The following ZNG1F variants were observed in gnomAD, a reference collection of about 807,000 sequenced individuals.
ZNG1F encodes zinc-regulated GTPase metalloprotein activator 1F.
the ZNG1F span, among the ~76,000 whole-genome samples, chr9:41,150,405 C>T: frequency 7.0e-6 from 1 of 143,364 alleles, no homozygotes; most frequent in Non-Finnish European, 1.5e-5. Flanking sequence ...GAGGGGCGCC[C>T]GCCATTGCCC....
the ZNG1F span, among the ~76,000 whole-genome samples, chr9:41,138,865 C>T: frequency 7.4e-6 from 1 of 134,294 alleles, no homozygotes; most frequent in Non-Finnish European, 1.6e-5. Context: ...TTGAATATTT[C>T]TCCCTTTACT....
the ZNG1F span, among the ~76,000 whole-genome samples, chr9:41,187,177 ATACGT>A: frequency 6.9e-6 from 1 of 145,318 alleles, no homozygotes; most frequent in South Asian, 2.2e-4. Flanking sequence ...AAGGTTTCTA[ATACGT>A]TACAGATTTA....
the ZNG1F span, among the ~76,000 whole-genome samples, chr9:41,146,293 G>C: frequency 1.1e-5 from 1 of 93,740 alleles, no homozygotes; most frequent in South Asian, 4.5e-4. Context: ...GCTCTTAAGT[G>C]TATGTAGAAT....
chr9:41,141,874 G>T, the ZNG1F span, among the ~76,000 whole-genome samples: 1 of 127,652 alleles, frequency 7.8e-6, no homozygotes, highest in Admixed American at 8.7e-5. Context: ...AAATCACTTT[G>T]CCGTCCCGAT....
At chr9:41,185,670 T>A in the ZNG1F span, among the ~76,000 whole-genome samples, 1 of 151,764 alleles carries the variant, frequency 6.6e-6, no homozygotes, top group African/African-American at 2.4e-5. Context: ...AGACTCCATC[T>A]CAAAAAAAAT....
chr9:41,203,208 G>A, the ZNG1F span, among the ~76,000 whole-genome samples: 1 of 152,292 alleles, frequency 6.6e-6, no homozygotes, highest in Non-Finnish European at 1.5e-5. Flanking sequence ...TAAAATTACT[G>A]TTTCCCTGAT....
the ZNG1F span, among the ~76,000 whole-genome samples, chr9:41,185,570 G>A: frequency 6.6e-6 from 1 of 150,478 alleles, no homozygotes. Context: ...CTACTCGGGA[G>A]GCTGAGGCAG....
the ZNG1F span, among the ~76,000 whole-genome samples, chr9:41,175,456 C>T: frequency 6.8e-6 from 1 of 147,584 alleles, no homozygotes; most frequent in Non-Finnish European, 1.5e-5. Context: ...CGGGAAACAA[C>T]TGAATTGCCA....
the ZNG1F span, among the ~76,000 whole-genome samples, chr9:41,150,298 C>T: frequency 1.3e-5 from 2 of 150,578 alleles, no homozygotes; most frequent in Admixed American, 1.3e-4. Flanking sequence ...GAGATTGTGT[C>T]CCGCACCTGG....
the ZNG1F span, chr9:41,164,917 T>C: frequency 6.0e-4 from 809 of 1,349,340 alleles, 22 homozygotes; most frequent in Middle Eastern, 0.013. Flanking sequence ...ATACCTTAAG[T>C]TTCTACAGGG....
chr9:41,144,323 C>T, the ZNG1F span, among the ~76,000 whole-genome samples: 50 of 49,176 alleles, frequency 1.0e-3, 7 homozygotes, highest in African/African-American at 2.4e-3. Flanking sequence ...CGTTCTTTAC[C>T]CAGAAGCTCA....
At chr9:41,151,836 G>A in the ZNG1F span, among the ~76,000 whole-genome samples, 1 of 143,516 alleles carries the variant, frequency 7.0e-6, no homozygotes, top group South Asian at 2.3e-4. Flanking sequence ...TGCCCTAAAA[G>A]AGCTCCTGAA....
chr9:41,138,830 T>C, the ZNG1F span, among the ~76,000 whole-genome samples: 2 of 128,684 alleles, frequency 1.6e-5, no homozygotes, highest in Non-Finnish European at 3.2e-5. Context: ...GTTTTGATTG[T>C]TTTTTATTTA....
At chr9:41,166,163 C>T in the ZNG1F span, among the ~76,000 whole-genome samples, 3 of 105,974 alleles carry the variant, frequency 2.8e-5, no homozygotes, top group Non-Finnish European at 3.8e-5. Flanking sequence ...TTTGGGAGGC[C>T]GAGGCGGGTG....
At chr9:41,139,282 C>T in the ZNG1F span, among the ~76,000 whole-genome samples, 3 of 143,354 alleles carry the variant, frequency 2.1e-5, no homozygotes, top group African/African-American at 2.6e-5. Flanking sequence ...TACCAGGCTC[C>T]AGGCTGGTAC....
At chr9:41,152,314 T>C in the ZNG1F span, among the ~76,000 whole-genome samples, 1 of 148,952 alleles carries the variant, frequency 6.7e-6, no homozygotes. Context: ...ATCCTAAATA[T>C]ACATGCACCC....
the ZNG1F span, among the ~76,000 whole-genome samples, chr9:41,178,611 AG>A: frequency 1.3e-3 from 26 of 20,728 alleles, no homozygotes; most frequent in African/African-American, 4.1e-3. Context: ...TCTGTCACCC[AG>A]GCTGGAGTGC....
the ZNG1F span, among the ~76,000 whole-genome samples, chr9:41,146,167 A>T: frequency 3.0e-3 from 445 of 145,930 alleles, 12 homozygotes; most frequent in Non-Finnish European, 4.9e-3. Flanking sequence ...GTTGCTCAGG[A>T]AAAGATTCTC....
chr9:41,175,307 A>C, the ZNG1F span, among the ~76,000 whole-genome samples: 1 of 141,024 alleles, frequency 7.1e-6, no homozygotes, highest in African/African-American at 2.7e-5. Flanking sequence ...TTTTTTTCCC[A>C]AAAACGTAAT....
Sources: gnomAD v4.1 joint callset for allele counts (sites outside exome capture counted in the v4.1 genomes callset) on GRCh38, gnomAD v4.1.1 for gene constraint, MANE v1.5 for transcripts, NCBI Gene and HGNC (gene_info 2026-07-23, HGNC 2026-07-21) for gene names.